DPP10: variants seen among roughly 807,000 people sequenced by gnomAD.
DPP10 encodes the protein inactive dipeptidyl peptidase 10.
A neutral mutation model predicts 120.9 loss-of-function variants in DPP10; 33 were observed. The ratio of observed to expected loss-of-function variants is 0.27; its 90% CI spans 0.21 to 0.37. The LOEUF (loss-of-function observed/expected upper bound fraction) is 0.37. DPP10 is among the 10% of genes least tolerant of loss of function. The probability of loss-of-function intolerance (pLI) is 1.00; values close to 1 mark genes in which losing one functional copy is unlikely to be tolerated. For synonymous variants in DPP10, 337 were observed against 326.1 expected, an observed-to-expected ratio of 1.03 and a Z score of -0.36; for missense variants, 816 against 942.8, an observed-to-expected ratio of 0.87 and a Z score of 1.76.
intron 1 of DPP10, among the ~76,000 whole-genome samples, chr2:115,117,145 A>G (rs1405106386): frequency 6.6e-6 from 1 of 152,232 alleles, no homozygotes; most frequent in Non-Finnish European, 1.5e-5. Context: ...TGCCATGGTA[A>G]GCACTCAATT....
intron 1 of DPP10, among the ~76,000 whole-genome samples, chr2:114,853,415 T>G (rs1372147751): frequency 6.6e-6 from 1 of 152,110 alleles, no homozygotes; most frequent in Non-Finnish European, 1.5e-5. Flanking sequence ...AAGTGGCTAG[T>G]GGGCTTTTAA....
intron 19 of DPP10, 104 bp from the exon 20 acceptor site, chr2:115,814,689 C>A (rs983196574): frequency 5.7e-6 from 5 of 883,682 alleles, no homozygotes; most frequent in African/African-American, 5.1e-5. Flanking sequence ...ATTTTAATAG[C>A]CAGCACAGTT....
chr2:115,352,429 T>C (rs2064093650), intron 3 of DPP10, among the ~76,000 whole-genome samples: 1 of 152,168 alleles, frequency 6.6e-6, no homozygotes, highest in Non-Finnish European at 1.5e-5. Flanking sequence ...TCATAGTCCT[T>C]TGATATTCTA....
intron 1 of DPP10, among the ~76,000 whole-genome samples, chr2:114,882,856 GA>G (rs1296606542): frequency 2.6e-5 from 4 of 152,014 alleles, no homozygotes; most frequent in Admixed American, 2.6e-4. Flanking sequence ...AAAGAAAGGA[GA>G]AAAAAACAAA....
intron 1 of DPP10, among the ~76,000 whole-genome samples, chr2:115,032,223 A>G (rs1703892680): frequency 6.6e-6 from 1 of 151,952 alleles, no homozygotes; most frequent in Non-Finnish European, 1.5e-5. Context: ...TGCCAAGAAT[A>G]TACAGCAGAG....
rs543682778 is a variant in DPP10 at position 115,678,349 on chromosome 2, C to T, written c.442-11338C>T. On this transcript the variant is annotated intron_variant, in intron 5 of 25. Coordinates refer to ENST00000410059, the MANE Select transcript of DPP10 (RefSeq NM_020868.6). ...TGTGTGCAGCCTTGGGACTTGGTGC[C>T]CTACTTTCCAGCTGCTCCTGCCATG... 1.6e-4 allele frequency among the ~76,000 whole-genome samples: 25 copies of T among 152,358 alleles called. No homozygotes were observed. In the South Asian group the frequency reaches 4.6e-3, roughly 28 times the overall value.
chr2:115,228,109 A>G (rs780448670), intron 1 of DPP10, among the ~76,000 whole-genome samples: 12 of 151,764 alleles, frequency 7.9e-5, no homozygotes, highest in Admixed American at 5.9e-4. Context: ...GTATTTATAC[A>G]TATATTTTTT....
At chr2:115,317,421 T>C (rs2061847145) in intron 2 of DPP10, among the ~76,000 whole-genome samples, 1 of 152,186 alleles carries the variant, frequency 6.6e-6, no homozygotes, top group African/African-American at 2.4e-5. Flanking sequence ...CCAGAGATTG[T>C]GCTACTGTGA....
intron 1 of DPP10, among the ~76,000 whole-genome samples, chr2:115,224,464 T>G (rs1190092319): frequency 6.6e-6 from 1 of 152,076 alleles, no homozygotes; most frequent in African/African-American, 2.4e-5. Context: ...TTTCCTCATA[T>G]AAGCGAGATA....
chr2:115,384,882 GT>G (rs2066799233), intron 3 of DPP10, among the ~76,000 whole-genome samples: 3 of 152,164 alleles, frequency 2.0e-5, no homozygotes, highest in Non-Finnish European at 4.4e-5. Flanking sequence ...CCCACATATT[GT>G]GGGAGGGACC....
At chr2:115,170,669 C>G (rs1451559747) in intron 1 of DPP10, among the ~76,000 whole-genome samples, 1 of 152,144 alleles carries the variant, frequency 6.6e-6, no homozygotes, top group Non-Finnish European at 1.5e-5. Flanking sequence ...TGAAGCCAAA[C>G]CCAACATCTT....
At chr2:114,701,069 C>T (rs937197875) in intron 1 of DPP10, among the ~76,000 whole-genome samples, 1 of 151,890 alleles carries the variant, frequency 6.6e-6, no homozygotes, top group Non-Finnish European at 1.5e-5. Context: ...TTGGTTAGGA[C>T]CTGAAAACCT....
chr2:115,365,152 A>G lies in DPP10; in HGVS notation c.271+21240A>G, dbSNP rs576914696. Among the ~76,000 whole-genome samples the G allele has an allele frequency of 1.5e-3, 230 of 152,244 alleles. 1 individual carries two copies. The highest frequency in any genetic ancestry group is 5.3e-3 in the African/African-American group (220 of 41,560). ...TAGATTCCTGAAATAGTCACTAATC[A>G]TGAAACTGTATTGAAGCAAACCAAA... On this transcript the variant is annotated intron_variant, in intron 3 of 25. Transcript: ENST00000410059.
chr2:115,347,170 T>C (rs2063751039), intron 3 of DPP10, among the ~76,000 whole-genome samples: 1 of 152,182 alleles, frequency 6.6e-6, no homozygotes, highest in Admixed American at 6.6e-5. Flanking sequence ...ACTGTCCATT[T>C]GTATGCTTAG....
At chr2:115,378,984 G>T (rs943734119) in intron 3 of DPP10, among the ~76,000 whole-genome samples, 14 of 152,194 alleles carry the variant, frequency 9.2e-5, no homozygotes, top group Non-Finnish European at 1.9e-4. Flanking sequence ...TTGCATCAAT[G>T]TTCATCAAGG....
chr2:115,538,849 T>A (rs1018313327), intron 5 of DPP10, among the ~76,000 whole-genome samples: 1 of 151,934 alleles, frequency 6.6e-6, no homozygotes, highest in Non-Finnish European at 1.5e-5. Flanking sequence ...GAGGTAAAAA[T>A]TGTACTTCCC....
chr2:114,597,753 G>A (rs574098188), intron 1 of DPP10, among the ~76,000 whole-genome samples: 1 of 151,974 alleles, frequency 6.6e-6, no homozygotes, highest in South Asian at 2.1e-4. Context: ...TGGTATCTTT[G>A]CCTCCTTTTG....
intron 1 of DPP10, among the ~76,000 whole-genome samples, chr2:115,256,363 G>A (rs2058987566): frequency 6.6e-6 from 1 of 152,118 alleles, no homozygotes. Flanking sequence ...GGGATTATGG[G>A]GACTACAATT....
chr2:115,059,703 A>AAAAAAC (rs56146333), intron 1 of DPP10, among the ~76,000 whole-genome samples: 3 of 150,248 alleles, frequency 2.0e-5, no homozygotes, highest in Non-Finnish European at 4.4e-5. Context: ...AAAAAAAAAA[A>AAAAAAC]GCAAACGTGG....
Sources: allele counts gnomAD v4.1 joint callset (sites outside exome capture counted in the v4.1 genomes callset), GRCh38; gene constraint gnomAD v4.1.1; transcripts MANE v1.5; gene names NCBI Gene and HGNC (gene_info 2026-07-23, HGNC 2026-07-21).